Variants in PIGH observed in about 807,000 individuals in gnomAD.
PIGH encodes phosphatidylinositol glycan anchor biosynthesis class H, also known as phosphatidylinositol N-acetylglucosaminyltransferase subunit H.
PIGH carries 11 observed loss-of-function variants against 20.1 expected under a neutral mutation model. That is an observed-to-expected ratio of 0.55 (90% CI 0.34 to 0.91). PIGH has a LOEUF of 0.91. Ranked by LOEUF, PIGH falls within the 40% of genes least tolerant of loss-of-function variation. The probability of loss-of-function intolerance (pLI) is 0.02; values close to 1 mark genes in which losing one functional copy is unlikely to be tolerated. For missense variants in PIGH, 189 were observed against 233.6 expected, an observed-to-expected ratio of 0.81 and a Z score of 1.24; for synonymous variants, 72 against 93.1, an observed-to-expected ratio of 0.77 and a Z score of 1.31.
chr14:67,598,457 T>C (rs1215352584), intron 1 of PIGH, among the ~76,000 whole-genome samples: 1 of 152,224 alleles, frequency 6.6e-6, no homozygotes, highest in Non-Finnish European at 1.5e-5. Flanking sequence ...TGCCATTTAC[T>C]GCTTTGAGAC....
chr14:67,599,127 G>A (rs10131404), intron 1 of PIGH, among the ~76,000 whole-genome samples: 88,717 of 152,106 alleles, frequency 0.58, 26,175 homozygotes, highest in Middle Eastern at 0.69. Flanking sequence ...GCAAAAAAGC[G>A]AATGGATGCA....
At chr14:67,599,983 C>T in intron 1 of PIGH, 41 bp downstream of exon 1, 2 of 1,505,532 alleles carry the variant, frequency 1.3e-6, no homozygotes, top group Admixed American at 2.1e-5. Flanking sequence ...CAAAGCCGAA[C>T]CCCCTCCTTC....
At chr14:67,599,222 C>T (rs2036528873) in intron 1 of PIGH, among the ~76,000 whole-genome samples, 1 of 152,190 alleles carries the variant, frequency 6.6e-6, no homozygotes, top group African/African-American at 2.4e-5. Context: ...ATAATACATT[C>T]AATTCAGGCA....
At position 67,593,918 on chromosome 14, in the gene PIGH, G is replaced by A; in HGVS notation, c.215C>T (p.Thr72Ile). The change falls in exon 2 of 4, where the codon ACC becomes ATC. Residue 72 changes from threonine (T) to isoleucine (I), a missense_variant. Transcript: ENST00000216452. The stretch of plus-strand genomic sequence containing the variant: ...GAGATAACCAAGCAGACCTAAGAGG[G>A]TGATGAAGATGGCAGCAGAGAGGAT... ...SMILSAAIFITLLGLLGYLHF... is the reference protein window; with the variant it reads ...SMILSAAIFIILLGLLGYLHF... 6.2e-7 allele frequency: 1 copy of A among 1,613,308 alleles called. No homozygotes were observed. The highest frequency in any genetic ancestry group is 8.5e-7 in the Non-Finnish European group (1 of 1,179,432).
At chr14:67,598,610 A>C (rs557099587) in intron 1 of PIGH, among the ~76,000 whole-genome samples, 1 of 152,312 alleles carries the variant, frequency 6.6e-6, no homozygotes, top group Admixed American at 6.5e-5. Flanking sequence ...TACATAGGCT[A>C]TAAGAACTCA....
At chr14:67,596,822 T>C (rs569980953) in intron 1 of PIGH, among the ~76,000 whole-genome samples, 127 of 152,346 alleles carry the variant, frequency 8.3e-4, no homozygotes, top group African/African-American at 2.9e-3. Flanking sequence ...GACTCCCACC[T>C]TGCTCCTTGG....
intron 3 of PIGH, among the ~76,000 whole-genome samples, chr14:67,591,093 A>G (rs1368405494): frequency 6.6e-6 from 1 of 152,212 alleles, no homozygotes; most frequent in African/African-American, 2.4e-5. Context: ...AAAAATATAT[A>G]AAAATAGATA....
rs1052535994 is a variant in PIGH at position 67,600,216 on chromosome 14, C to T, written c.-13G>A. ...GCTCATCCTCCATGACGCCCCCACT[C>T]GGCCGCCCGCACCGCGCGGCGCTGC... On this transcript the variant is annotated 5_prime_UTR_variant, in exon 1 of 4. Coordinates refer to ENST00000216452, the MANE Select transcript of PIGH (RefSeq NM_004569.5). The T allele has an allele frequency of 1.3e-6, 2 of 1,557,866 alleles. No homozygotes were observed. The highest frequency in any genetic ancestry group is 2.7e-5 in the African/African-American group (2 of 73,188).
chr14:67,590,423 A>G (rs1192824393), intron 3 of PIGH, among the ~76,000 whole-genome samples: 1 of 151,920 alleles, frequency 6.6e-6, no homozygotes, highest in Non-Finnish European at 1.5e-5. Context: ...CAGTGGCACA[A>G]TCTCGGCTCA....
rs1424316401 is a variant in PIGH at position 67,593,851 on chromosome 14, A to C, written c.282T>G (p.Asp94Glu). 6.8e-6 allele frequency: 11 copies of C among 1,612,370 alleles called. No individual in the cohort carries two copies. The highest frequency in any genetic ancestry group is 9.3e-6 in the Non-Finnish European group (11 of 1,178,400). Residue 94 changes from aspartate to glutamate, a missense_variant, in exon 2 of 4, where the codon GAT becomes GAG. Physicochemically the swap from Asp to Glu is conservative, Grantham distance 45 (BLOSUM62 2). Coordinates refer to ENST00000216452, the MANE Select transcript of PIGH (RefSeq NM_004569.5). ...KIDQETLLII[D>E]SLGIQMTSSY... Reference sequence around the variant, plus strand: ...ATGAAGTCATCTGAATGCCAAGGGAATCAATGATTAACAGAGTCTCCTGAT... The same window carrying C: ...ATGAAGTCATCTGAATGCCAAGGGACTCAATGATTAACAGAGTCTCCTGAT...
intron 2 of PIGH, chr14:67,593,496 A>C (rs889082540): frequency 4.4e-6 from 2 of 459,046 alleles, no homozygotes; most frequent in Admixed American, 7.6e-5. Flanking sequence ...GTCTCAAAAA[A>C]AAAAAAAGAA....
At chr14:67,598,783 C>G (rs2036519968) in intron 1 of PIGH, among the ~76,000 whole-genome samples, 1 of 149,934 alleles carries the variant, frequency 6.7e-6, no homozygotes, top group Non-Finnish European at 1.5e-5. Flanking sequence ...GATCTCGGCT[C>G]ACTGCTACCT....
At chr14:67,590,245 GC>G in intron 3 of PIGH, 73 bp from the exon 4 acceptor site, 2 of 1,132,760 alleles carry the variant, frequency 1.8e-6, no homozygotes, top group Non-Finnish European at 2.4e-6. Flanking sequence ...GCATCCACTT[GC>G]AAATTTTTTT....
At position 67,589,985 on chromosome 14, in the gene PIGH, T is replaced by G. The variant is rs2036319745; in HGVS notation, c.*95A>C. ...ACATCCATAATGGTTCCTAGGACTG[T>G]GTCCACCTGATGGTTTGGAGTACGG... On this transcript the variant is annotated 3_prime_UTR_variant, in exon 4 of 4. Coordinates refer to ENST00000216452, the MANE Select transcript of PIGH (RefSeq NM_004569.5). 1.4e-6 allele frequency: 2 copies of G among 1,451,546 alleles called. No individual in the cohort carries two copies. The highest frequency in any genetic ancestry group is 5.0e-5 in the East Asian group (2 of 39,610). The allele number at this position is 1,451,546 out of a possible 1,614,324, so 89.9% of individuals were successfully genotyped here.
At chr14:67,590,249 ATTTTTTTTT>A in intron 3 of PIGH, 77 bp from the exon 4 acceptor site, 1 of 733,186 alleles carries the variant, frequency 1.4e-6, no homozygotes, top group Non-Finnish European at 1.9e-6. Flanking sequence ...CCACTTGCAA[ATTTTTTTTT>A]TTTTTTTTTT....
chr14:67,592,881 G>GT lies in PIGH; in HGVS notation c.391-164dup, dbSNP rs1566777251. 2.2e-4 allele frequency: 111 copies of GT among 500,012 alleles called. No homozygotes were observed. The South Asian group carries it at 2.7e-3, about 12-fold the overall frequency. 31.0% of individuals were successfully genotyped at this position (500,012 alleles called of 1,614,324 possible). A position where few individuals can be genotyped will look rare whatever the true frequency, so the allele number is the denominator to read the frequency against. ...GCTCACTGCAACCTCTACCTCCCAGGTTCAAGCGATTCTCCTGCCTCAGCC... is the reference window on the plus strand; with the variant it reads ...GCTCACTGCAACCTCTACCTCCCAGGTTTCAAGCGATTCTCCTGCCTCAGCC... On this transcript the variant is annotated intron_variant, in intron 2 of 3. Transcript: ENST00000216452.
In PIGH at chr14:67,589,970, T is replaced by C. The variant is rs537393491; in HGVS notation, c.*110A>G. 32 of 1,385,776 alleles carry C rather than the reference T, an allele frequency of 2.3e-5. 1 individual carries two copies. The East Asian group carries it at 7.7e-4, about 33-fold the overall frequency. 85.8% of individuals were successfully genotyped at this position (1,385,776 alleles called of 1,614,324 possible). On this transcript the variant is annotated 3_prime_UTR_variant, in exon 4 of 4. Coordinates refer to ENST00000216452, the MANE Select transcript of PIGH (RefSeq NM_004569.5). The stretch of plus-strand genomic sequence containing the variant: ...GCTCTAAGATGCACTACATCCATAA[T>C]GGTTCCTAGGACTGTGTCCACCTGA...
In PIGH at chr14:67,589,692, A is replaced by G; in HGVS notation, c.*388T>C. The G allele has an allele frequency of 5.0e-6, 5 of 994,544 alleles. No individual in the cohort carries two copies. The highest frequency in any genetic ancestry group is 6.0e-6 in the Non-Finnish European group (5 of 835,552). 61.6% of individuals were successfully genotyped at this position (994,544 alleles called of 1,614,324 possible). A position where few individuals can be genotyped will look rare whatever the true frequency, so the allele number is the denominator to read the frequency against. On this transcript the variant is annotated 3_prime_UTR_variant, in exon 4 of 4. Transcript: ENST00000216452. ...TTTTTCGTAACTTTACACAAGGGGT[A>G]CTATTGGAAAATATAGCTTTCTCAA...
rs1369592872 is a variant in PIGH at position 67,600,107 on chromosome 14, A to T, written c.97T>A (p.Cys33Ser). 6.3e-7 allele frequency: 1 copy of T among 1,597,100 alleles called. No individual in the cohort carries two copies. Among genetic ancestry groups the T allele is most frequent in the Non-Finnish European group, 8.5e-7 (1 of 1,172,302 alleles). The change falls in exon 1 of 4, where the codon TGC (cysteine) becomes AGC (serine). Residue 33 changes from cysteine (C) to serine (S), a missense_variant. Coordinates refer to ENST00000216452, the MANE Select transcript of PIGH (RefSeq NM_004569.5). ...SPSCREFCLS[C>S]PRLSLRSLTA... is the part of the protein sequence containing the mutation. ...AGCGAACGCAGCGAGAGCCGAGGGC[A>T]GCTGAGGCAGAATTCCCGGCAGGAC...
Sources: gnomAD v4.1 joint callset for allele counts (sites outside exome capture counted in the v4.1 genomes callset) on GRCh38, gnomAD v4.1.1 for gene constraint, MANE v1.5 for transcripts, NCBI Gene and HGNC (gene_info 2026-07-23, HGNC 2026-07-21) for gene names.